The following MARCHF4 variants were observed in gnomAD, a reference collection of about 807,000 sequenced individuals.
The protein encoded by MARCHF4 is E3 ubiquitin-protein ligase MARCHF4.
A neutral mutation model predicts 43.9 loss-of-function variants in MARCHF4; 14 were observed. The observed-to-expected ratio is 0.32, with a 90% CI of 0.21 to 0.50. MARCHF4 has a LOEUF of 0.50. MARCHF4 is among the 20% of genes least tolerant of loss of function. MARCHF4 has a pLI of 0.98. For missense variants in MARCHF4, 468 were observed against 536.7 expected, an observed-to-expected ratio of 0.87 and a Z score of 1.27; for synonymous variants, 226 against 213.3, an observed-to-expected ratio of 1.06 and a Z score of -0.52.
chr2:216,263,141 C>T (rs936154938), intron 3 of MARCHF4, among the ~76,000 whole-genome samples: 1 of 152,168 alleles, frequency 6.6e-6, no homozygotes, highest in Non-Finnish European at 1.5e-5. Flanking sequence ...GAAAGATGCA[C>T]TTCGCCTAGG....
At chr2:216,283,266 T>G (rs1335248445) in intron 2 of MARCHF4, among the ~76,000 whole-genome samples, 1 of 152,122 alleles carries the variant, frequency 6.6e-6, no homozygotes, top group Non-Finnish European at 1.5e-5. Context: ...CTTTCTGCAT[T>G]CATTTATTCA....
chr2:216,272,304 C>T (rs1690951136), intron 3 of MARCHF4, among the ~76,000 whole-genome samples: 1 of 152,174 alleles, frequency 6.6e-6, no homozygotes, highest in Non-Finnish European at 1.5e-5. Context: ...GCTTCTCTCT[C>T]AATTGATGTC....
At chr2:216,259,943 T>G (rs1467702427) in intron 3 of MARCHF4, among the ~76,000 whole-genome samples, 2 of 152,190 alleles carry the variant, frequency 1.3e-5, no homozygotes, top group Non-Finnish European at 2.9e-5. Context: ...CCTTCCTGCC[T>G]CGACAAAATC....
chr2:216,306,011 T>G (rs571618725), intron 1 of MARCHF4, among the ~76,000 whole-genome samples: 1 of 152,246 alleles, frequency 6.6e-6, no homozygotes, highest in South Asian at 2.1e-4. Context: ...TTTATAATAG[T>G]TGTCATTATC....
At chr2:216,275,817 G>A (rs1691010327) in intron 3 of MARCHF4, among the ~76,000 whole-genome samples, 1 of 152,182 alleles carries the variant, frequency 6.6e-6, no homozygotes, top group South Asian at 2.1e-4. Flanking sequence ...AAGGGAGAGT[G>A]CACTAGTTCT....
chr2:216,281,474 T>G (rs536378028), intron 2 of MARCHF4, among the ~76,000 whole-genome samples: 1 of 152,198 alleles, frequency 6.6e-6, no homozygotes, highest in Admixed American at 6.5e-5. Flanking sequence ...TCCCATCCAT[T>G]GCTCCGCCCA....
At chr2:216,305,396 AGCGATTTCCTCCATCACCTG>A (rs1249465638) in intron 1 of MARCHF4, among the ~76,000 whole-genome samples, 1 of 152,208 alleles carries the variant, frequency 6.6e-6, no homozygotes, top group Non-Finnish European at 1.5e-5. Context: ...GCTCTTTTGC[AGCGATTTCCTCCATCACCTG>A]TCCCACCTCT....
At chr2:216,296,051 C>A (rs751545925) in intron 1 of MARCHF4, among the ~76,000 whole-genome samples, 1 of 152,154 alleles carries the variant, frequency 6.6e-6, no homozygotes, top group Non-Finnish European at 1.5e-5. Context: ...GGGGTTGAGG[C>A]AGGAGGATCG....
At chr2:216,283,136 C>T (rs1169746298) in intron 2 of MARCHF4, among the ~76,000 whole-genome samples, 1 of 152,138 alleles carries the variant, frequency 6.6e-6, no homozygotes, top group Non-Finnish European at 1.5e-5. Flanking sequence ...CTTCTCCTCA[C>T]CCCTCCCACC....
intron 1 of MARCHF4, among the ~76,000 whole-genome samples, chr2:216,365,162 C>T (rs144567147): frequency 3.6e-4 from 55 of 152,324 alleles, no homozygotes; most frequent in African/African-American, 1.2e-3. Flanking sequence ...CCCAGGTTCT[C>T]ATTGCATCTT....
At chr2:216,355,265 C>T (rs373782624) in intron 1 of MARCHF4, among the ~76,000 whole-genome samples, 240 of 152,224 alleles carry the variant, frequency 1.6e-3, no homozygotes, top group African/African-American at 5.4e-3. Context: ...AGCCACTGCG[C>T]CCGGCCCTAA....
intron 1 of MARCHF4, among the ~76,000 whole-genome samples, chr2:216,305,771 C>A (rs1270384965): frequency 6.6e-6 from 1 of 152,194 alleles, no homozygotes; most frequent in Non-Finnish European, 1.5e-5. Flanking sequence ...CTTGCATCAT[C>A]CTGGTCATAT....
intron 1 of MARCHF4, among the ~76,000 whole-genome samples, chr2:216,343,566 G>A (rs982956658): frequency 5.3e-5 from 8 of 152,224 alleles, no homozygotes; most frequent in East Asian, 1.9e-4. Context: ...CCATAATAGC[G>A]TCAGACACAT....
intron 1 of MARCHF4, among the ~76,000 whole-genome samples, chr2:216,365,693 G>C (rs1207939944): frequency 6.6e-6 from 1 of 152,196 alleles, no homozygotes; most frequent in Non-Finnish European, 1.5e-5. Flanking sequence ...TCCCCGACTT[G>C]TCTTTTTGAG....
At chr2:216,296,203 G>A (rs1691390889) in intron 1 of MARCHF4, among the ~76,000 whole-genome samples, 1 of 151,626 alleles carries the variant, frequency 6.6e-6, no homozygotes, top group Non-Finnish European at 1.5e-5. Flanking sequence ...AAAATTACTC[G>A]AGCCTGGTGG....
At chr2:216,316,579 A>G (rs1574474039) in intron 1 of MARCHF4, among the ~76,000 whole-genome samples, 1 of 152,202 alleles carries the variant, frequency 6.6e-6, no homozygotes, top group Non-Finnish European at 1.5e-5. Context: ...GGGTGCGGGG[A>G]CAGGGTCAGA....
At chr2:216,336,648 T>C (rs1226432846) in intron 1 of MARCHF4, among the ~76,000 whole-genome samples, 1 of 151,192 alleles carries the variant, frequency 6.6e-6, no homozygotes, top group Non-Finnish European at 1.5e-5. Flanking sequence ...ATTTGATGAA[T>C]TGGTTTTTGG....
intron 1 of MARCHF4, among the ~76,000 whole-genome samples, chr2:216,340,085 T>C (rs1005164029): frequency 2.6e-5 from 4 of 152,032 alleles, no homozygotes; most frequent in East Asian, 1.9e-4. Flanking sequence ...CCCTGCAGCC[T>C]TTCTTCCCAA....
intron 1 of MARCHF4, among the ~76,000 whole-genome samples, chr2:216,319,373 C>A (rs965581950): frequency 6.6e-6 from 1 of 152,100 alleles, no homozygotes; most frequent in Non-Finnish European, 1.5e-5. Flanking sequence ...ACAGGGGGTG[C>A]TTCTGTATCC....
Sources: gnomAD v4.1 joint callset for allele counts (sites outside exome capture counted in the v4.1 genomes callset) on GRCh38, gnomAD v4.1.1 for gene constraint, MANE v1.5 for transcripts, NCBI Gene and HGNC (gene_info 2026-07-23, HGNC 2026-07-21) for gene names.